The following SUN1 variants were observed in gnomAD, a reference collection of about 807,000 sequenced individuals.
SUN1 encodes the protein Sad1 and UNC84 domain containing 1, also known as SUN domain-containing protein 1.
SUN1 carries 61 observed loss-of-function variants against 103.2 expected under a neutral mutation model. The observed-to-expected ratio is 0.59, with a 90% CI of 0.48 to 0.73. The LOEUF is 0.73. Among genes scored for constraint, SUN1 ranks in the 30% least tolerant of loss-of-function variants. SUN1 has a pLI of 0.00. For synonymous variants in SUN1, 490 were observed against 425.7 expected (o/e 1.15, Z -1.86); for missense variants, 1,052 against 1,034.6 (o/e 1.02, Z -0.23).
Position 852,802 on chromosome 7 carries a change from T to C in SUN1, c.911-8T>C. On this transcript the variant is annotated splice_region_variant and splice_polypyrimidine_tract_variant and intron_variant, in intron 8 of 18. Coordinates refer to ENST00000401592, the MANE Select transcript of SUN1 (RefSeq NM_001130965.3). ...ACCTGTGTGTGTGTGGTGGCTCTTC[T>C]CTTTTAGCAGGTCTCTCCTTACGGG... 11 of 1,611,012 alleles carry C rather than the reference T, an allele frequency of 6.8e-6. No homozygotes were observed. Among genetic ancestry groups the C allele is most frequent in the Non-Finnish European group, 9.3e-6 (11 of 1,178,036 alleles).
chr7:822,395 T>C (rs1383088552), intron 1 of SUN1, among the ~76,000 whole-genome samples: 1 of 152,192 alleles, frequency 6.6e-6, no homozygotes, highest in African/African-American at 2.4e-5. Context: ...TTGACATTTG[T>C]GCAGAATTAA....
chr7:817,578 A>G, intron 1 of SUN1: 2 of 1,499,574 alleles, frequency 1.3e-6, no homozygotes, highest in East Asian at 2.5e-5. Flanking sequence ...CCGGGTGGGA[A>G]GCTGCCCATA....
At chr7:869,311 G>A in intron 16 of SUN1, 38 bp from the exon 17 acceptor site, 3 of 1,601,010 alleles carry the variant, frequency 1.9e-6, no homozygotes. Flanking sequence ...GTAAGAGCAT[G>A]CTCACACTCT....
At chr7:872,389 G>A (rs936688027) in intron 17 of SUN1, 81 bp from the exon 18 acceptor site, 2 of 1,171,462 alleles carry the variant, frequency 1.7e-6, no homozygotes, top group African/African-American at 3.0e-5. Context: ...TTTGCTTAGT[G>A]CTGGCTGTGG....
upstream of SUN1, among the ~76,000 whole-genome samples, chr7:828,271 T>G (rs1296443949): frequency 4.0e-5 from 6 of 151,628 alleles, no homozygotes; most frequent in South Asian, 4.2e-4. Flanking sequence ...TTTTTTGTTT[T>G]TGTTTTGTTT....
chr7:837,010 G>A (rs187328679), intron 1 of SUN1, among the ~76,000 whole-genome samples: 100 of 152,370 alleles, frequency 6.6e-4, no homozygotes, highest in Non-Finnish European at 8.4e-4. Context: ...CCGACGCATG[G>A]ATGGCCTGAG....
intron 13 of SUN1, among the ~76,000 whole-genome samples, chr7:858,644 A>G (rs1294181698): frequency 1.3e-5 from 2 of 151,838 alleles, no homozygotes; most frequent in African/African-American, 4.8e-5. Flanking sequence ...GTCGAAACAT[A>G]TCATAGACAT....
upstream of SUN1, among the ~76,000 whole-genome samples, chr7:828,891 G>C (rs1373754114): frequency 6.6e-6 from 1 of 152,236 alleles, no homozygotes; most frequent in African/African-American, 2.4e-5. Flanking sequence ...GAGAACCCAT[G>C]TCCAGGGCTT....
At chr7:853,024 G>A (rs1823734173) in intron 9 of SUN1, 72 bp downstream of exon 9, 3 of 1,523,838 alleles carry the variant, frequency 2.0e-6, no homozygotes, top group Non-Finnish European at 2.6e-6. Flanking sequence ...ACACTGCTGT[G>A]AGCCAGGCAC....
At position 841,933 on chromosome 7, in the gene SUN1, T is replaced by A; in HGVS notation, c.267-13T>A. ...AAAAGATCTATAAACTTGCTGTTTT[T>A]TTTTCTTCTTAGAACAACAAAACAG... On this transcript the variant is annotated splice_polypyrimidine_tract_variant and intron_variant, in intron 2 of 18. Transcript: ENST00000401592. The A allele has an allele frequency of 6.2e-7, 1 of 1,613,314 alleles. No homozygotes were observed. Among genetic ancestry groups the A allele is most frequent in the Non-Finnish European group, 8.5e-7 (1 of 1,179,798 alleles).
chr7:851,478 T>A lies in SUN1; in HGVS notation c.753T>A (p.Ala251=). 1.9e-6 allele frequency: 3 copies of A among 1,603,526 alleles called. No homozygotes were observed. The highest frequency in any genetic ancestry group is 1.7e-6 in the Non-Finnish European group (2 of 1,174,992). The change falls in exon 6 of 19, where the codon GCT becomes GCA. Residue 251 remains alanine, a synonymous_variant. Transcript: ENST00000401592. Reference sequence around the variant, plus strand: ...CGGCCCTTTGGCTGGCCGTGGTTGCTCCAGGTGGCTATTTTGGGTTTCTGT... The same window carrying A: ...CGGCCCTTTGGCTGGCCGTGGTTGCACCAGGTGGCTATTTTGGGTTTCTGT... The part of the protein sequence containing the change: ...AWSALWLAVV[A]PGKAASGVFW...
At chr7:854,046 A>G (rs1024651531) in intron 10 of SUN1, among the ~76,000 whole-genome samples, 1 of 151,826 alleles carries the variant, frequency 6.6e-6, no homozygotes, top group Non-Finnish European at 1.5e-5. Flanking sequence ...AGATGCTCCC[A>G]CCCACTGCAG....
rs146847585 is a variant in SUN1, at chr7:838,624, A to G, written c.78-174A>G. On this transcript the variant is annotated intron_variant, in intron 1 of 18. Transcript: ENST00000401592. The stretch of plus-strand genomic sequence containing the variant: ...TGGCTGGGGCAGATGTCAGGAGCCC[A>G]TGCTGGCTGACCTGTGTGCCACCGT... Among the ~76,000 whole-genome samples the G allele has an allele frequency of 2.9e-3, 435 of 152,346 alleles. 5 individuals are homozygous for G. Among genetic ancestry groups the G allele is most frequent in the African/African-American group, 9.8e-3 (409 of 41,584 alleles).
intron 1 of SUN1, among the ~76,000 whole-genome samples, chr7:817,845 A>G (rs1782270002): frequency 1.3e-5 from 2 of 152,044 alleles, no homozygotes; most frequent in African/African-American, 4.8e-5. Flanking sequence ...ACTGTTCTGG[A>G]AATACTACTG....
chr7:866,440 C>T (rs542060158), intron 16 of SUN1, among the ~76,000 whole-genome samples: 63 of 152,196 alleles, frequency 4.1e-4, no homozygotes, highest in African/African-American at 1.4e-3. Flanking sequence ...TGTTGAGAGA[C>T]AATAGGTGGG....
At position 843,381 on chromosome 7, in the gene SUN1, A is replaced by AGCC. The variant is rs1422408344; in HGVS notation, c.529_531dup (p.Ala177dup). On this transcript the variant is annotated inframe_insertion, in exon 5 of 19. Coordinates refer to ENST00000401592, the MANE Select transcript of SUN1 (RefSeq NM_001130965.3). ...CCATTCAGGGAAACGGGGATGTGGG[A>AGCC]GCCGCCGCCGCCACCGCGCACAACG... 4 of 1,609,440 alleles carry AGCC rather than the reference A, an allele frequency of 2.5e-6. No homozygotes were observed. Among genetic ancestry groups the AGCC allele is most frequent in the Non-Finnish European group, 3.4e-6 (4 of 1,177,412 alleles).
At chr7:872,169 C>T (rs1842194326) in intron 17 of SUN1, among the ~76,000 whole-genome samples, 1 of 152,204 alleles carries the variant, frequency 6.6e-6, no homozygotes, top group African/African-American at 2.4e-5. Context: ...GTCTGTGTGT[C>T]CGGCGGGGTC....
At chr7:851,262 G>A in intron 5 of SUN1, 122 bp from the exon 6 acceptor site, 1 of 710,146 alleles carries the variant, frequency 1.4e-6, no homozygotes, top group Admixed American at 2.8e-5. Flanking sequence ...TTTTTGAGGA[G>A]ACTCTTGACC....
chr7:821,695 C>A (rs1000521991), intron 1 of SUN1, among the ~76,000 whole-genome samples: 1 of 152,150 alleles, frequency 6.6e-6, no homozygotes, highest in Non-Finnish European at 1.5e-5. Flanking sequence ...CAACCCTTGC[C>A]CTTACCGCAG....
Sources: gnomAD v4.1 joint callset for allele counts (sites outside exome capture counted in the v4.1 genomes callset) on GRCh38, gnomAD v4.1.1 for gene constraint, MANE v1.5 for transcripts, NCBI Gene and HGNC (gene_info 2026-07-23, HGNC 2026-07-21) for gene names.